Variants in RYR2 observed in about 807,000 individuals in gnomAD.
RYR2 encodes the protein ryanodine receptor 2.
RYR2 carries 227 observed loss-of-function variants against 601.1 expected under a neutral mutation model. That is an observed-to-expected ratio of 0.38 (90% CI 0.34 to 0.42). The LOEUF (loss-of-function observed/expected upper bound fraction) is 0.42, where lower values mean the gene tolerates loss of function less well. Ranked by LOEUF, RYR2 falls within the 10% of genes least tolerant of loss-of-function variation. The probability of loss-of-function intolerance (pLI) is 1.00; values close to 1 mark genes in which losing one functional copy is unlikely to be tolerated. For synonymous variants in RYR2, 2,223 were observed against 2,175.1 expected, an observed-to-expected ratio of 1.02 and a Z score of -0.61; for missense variants, 4,646 against 6,156.5, an observed-to-expected ratio of 0.75 and a Z score of 8.21.
Position 237,828,704 on chromosome 1 carries a change from G to A in RYR2, c.14655+259G>A, listed in dbSNP as rs562652135. 3.9e-5 allele frequency among the ~76,000 whole-genome samples: 6 copies of A among 152,268 alleles called. No homozygotes were observed. The East Asian group carries it at 1.2e-3, about 29-fold the overall frequency. On this transcript the variant is annotated intron_variant, in intron 102 of 104. Transcript: ENST00000366574. ...CCAGAAGTGGAGAGACTATTCATTC[G>A]AAACCAAAGATTCAATGACAAGTAA... is the stretch of plus-strand genomic sequence containing the variant.
intron 1 of RYR2, among the ~76,000 whole-genome samples, chr1:237,082,847 TCTC>T (rs1665888129): frequency 6.6e-6 from 1 of 152,122 alleles, no homozygotes; most frequent in Non-Finnish European, 1.5e-5. Flanking sequence ...AATTCTTTGA[TCTC>T]CTTGCTATTA....
chr1:237,373,695 TA>T (rs1700815707), intron 6 of RYR2, among the ~76,000 whole-genome samples: 1 of 152,094 alleles, frequency 6.6e-6, no homozygotes, highest in South Asian at 2.1e-4. Flanking sequence ...TAGGAACACG[TA>T]AGGGTGGGAA....
intron 1 of RYR2, among the ~76,000 whole-genome samples, chr1:237,172,260 T>G (rs1035351650): frequency 3.9e-5 from 6 of 152,202 alleles, no homozygotes; most frequent in African/African-American, 1.4e-4. Flanking sequence ...GTTGGGTAGG[T>G]GAAGCTCATT....
chr1:237,442,130 T>C (rs1027063460), intron 13 of RYR2, among the ~76,000 whole-genome samples: 8 of 152,208 alleles, frequency 5.3e-5, no homozygotes, highest in African/African-American at 1.9e-4. Context: ...GGTCTTCAAC[T>C]GCATTAGCTT....
At chr1:237,514,442 A>G (rs1384255737) in intron 24 of RYR2, among the ~76,000 whole-genome samples, 1 of 152,202 alleles carries the variant, frequency 6.6e-6, no homozygotes, top group East Asian at 1.9e-4. Flanking sequence ...CCTCTTCACA[A>G]GCAAATGCTT....
At chr1:237,792,459 A>G in intron 94 of RYR2, 136 bp downstream of exon 94, 1 of 584,514 alleles carries the variant, frequency 1.7e-6, no homozygotes, top group Non-Finnish European at 2.9e-6. Flanking sequence ...GCAGATTCTG[A>G]GCTGGAAACT....
At chr1:237,599,405 T>C (rs953504607) in intron 34 of RYR2, among the ~76,000 whole-genome samples, 1 of 152,176 alleles carries the variant, frequency 6.6e-6, no homozygotes, top group Non-Finnish European at 1.5e-5. Flanking sequence ...CTGTTAAAAC[T>C]AATACATTCA....
Position 237,647,835 on chromosome 1 carries a change from G to A in RYR2, c.7343-609G>A, listed in dbSNP as rs547306409. ...AGCGGTCCCCAATTAGGGAACCTACGGAGTGACTATAAGGAATTCACTAAT... is the reference window on the plus strand; with the variant it reads ...AGCGGTCCCCAATTAGGGAACCTACAGAGTGACTATAAGGAATTCACTAAT... On this transcript the variant is annotated intron_variant, in intron 48 of 104. Coordinates refer to ENST00000366574, the MANE Select transcript of RYR2 (RefSeq NM_001035.3). Among the ~76,000 whole-genome samples the A allele has an allele frequency of 4.6e-5, 7 of 152,282 alleles. No homozygotes were observed. The South Asian group carries it at 6.2e-4, about 14-fold the overall frequency.
At chr1:237,073,125 C>T (rs925428904) in intron 1 of RYR2, among the ~76,000 whole-genome samples, 3 of 152,072 alleles carry the variant, frequency 2.0e-5, no homozygotes, top group African/African-American at 7.2e-5. Flanking sequence ...AAAGGCTAAA[C>T]CTGATTGTCA....
rs564376419 is a variant in RYR2, at chr1:237,093,948, G to A, written c.48+51379G>A. Among the ~76,000 whole-genome samples, 8 of 152,316 alleles carry A rather than the reference G, an allele frequency of 5.3e-5. No homozygotes were observed. In the South Asian group the frequency reaches 1.7e-3, roughly 32 times the overall value. On this transcript the variant is annotated intron_variant, in intron 1 of 104. Transcript: ENST00000366574. ...GGCAGAGAGTCGAGGGGAAGCAGGA[G>A]TCCTGGGTATTTGGACGATGGATGC...
intron 98 of RYR2, among the ~76,000 whole-genome samples, chr1:237,803,406 C>G (rs914898641): frequency 2.0e-5 from 3 of 152,104 alleles, no homozygotes; most frequent in Non-Finnish European, 4.4e-5. Flanking sequence ...TGGGTTCACA[C>G]CATTCTGCCT....
chr1:237,732,274 A>G, intron 78 of RYR2, 125 bp downstream of exon 78: 1 of 536,482 alleles, frequency 1.9e-6, no homozygotes, highest in Admixed American at 3.6e-5. Flanking sequence ...AGAATTGTTC[A>G]AAGATAACAA....
At chr1:237,188,740 AT>A (rs1202897290) in intron 1 of RYR2, among the ~76,000 whole-genome samples, 3 of 151,922 alleles carry the variant, frequency 2.0e-5, no homozygotes, top group Non-Finnish European at 4.4e-5. Context: ...TAATTTTTGT[AT>A]TTTTAGTAGA....
chr1:237,468,718 A>T (rs1660354903), intron 16 of RYR2, among the ~76,000 whole-genome samples: 1 of 152,182 alleles, frequency 6.6e-6, no homozygotes, highest in African/African-American at 2.4e-5. Flanking sequence ...AGGTAAGAAA[A>T]TTGGGCTTGA....
intron 26 of RYR2, among the ~76,000 whole-genome samples, chr1:237,549,103 G>T (rs1463560014): frequency 6.6e-6 from 1 of 152,178 alleles, no homozygotes; most frequent in Non-Finnish European, 1.5e-5. Context: ...TCATACCAAA[G>T]AGGGGTAAAG....
At chr1:237,815,195 T>C (rs1437648280) in intron 100 of RYR2, among the ~76,000 whole-genome samples, 3 of 152,190 alleles carry the variant, frequency 2.0e-5, no homozygotes, top group African/African-American at 7.2e-5. Flanking sequence ...ACTCAGATTG[T>C]CTGAAAGAAG....
intron 10 of RYR2, among the ~76,000 whole-genome samples, chr1:237,392,632 T>C (rs1702479183): frequency 6.6e-6 from 1 of 151,630 alleles, no homozygotes; most frequent in Non-Finnish European, 1.5e-5. Flanking sequence ...GTGAATATAA[T>C]AAAATATCAA....
chr1:237,671,595 G>T (rs537469334), intron 58 of RYR2, among the ~76,000 whole-genome samples: 1 of 151,926 alleles, frequency 6.6e-6, no homozygotes, highest in South Asian at 2.1e-4. Flanking sequence ...AAGAATCAGG[G>T]CCAAAGCTGC....
intron 24 of RYR2, among the ~76,000 whole-genome samples, chr1:237,524,904 T>G (rs1667423132): frequency 6.6e-6 from 1 of 152,110 alleles, no homozygotes; most frequent in African/African-American, 2.4e-5. Flanking sequence ...TAAAGTGCAC[T>G]ATACTTTTTT....
Sources: gnomAD v4.1 joint callset for allele counts (sites outside exome capture counted in the v4.1 genomes callset) on GRCh38, gnomAD v4.1.1 for gene constraint, MANE v1.5 for transcripts, NCBI Gene and HGNC (gene_info 2026-07-23, HGNC 2026-07-21) for gene names.